The following RECQL variants were observed in gnomAD, a reference collection of about 807,000 sequenced individuals.
The protein encoded by RECQL is ATP-dependent DNA helicase Q1.
In RECQL, 73 loss-of-function variants were observed where a neutral mutation model predicts 75.8. The ratio of observed to expected loss-of-function variants is 0.96; its 90% confidence interval spans 0.80 to 1.17. RECQL has a LOEUF of 1.17. RECQL is among the 50% of genes most tolerant of loss of function. The pLI is 0.00. For synonymous variants in RECQL, 248 were observed against 254.4 expected (o/e 0.97, Z 0.24); for missense variants, 699 against 772.1 (o/e 0.91, Z 1.12).
rs780715359 is a variant in RECQL, at chr12:21,475,834, AAT to A, written c.950-12_950-11del. ...AAACAATATATGATTCCTGCAGTAA[AAT>A]ATGTGCATTTGTTAGATAGATATGG... is the stretch of plus-strand genomic sequence containing the variant. On this transcript the variant is annotated splice_polypyrimidine_tract_variant and intron_variant, in intron 8 of 14. Transcript: ENST00000444129. The A allele has an allele frequency of 6.2e-7, 1 of 1,605,728 alleles. No individual in the cohort carries two copies. Among genetic ancestry groups the A allele is most frequent in the East Asian group, 2.2e-5 (1 of 44,800 alleles).
chr12:21,468,995 T>A lies in RECQL; in HGVS notation c.*1199A>T, dbSNP rs1232128331. On this transcript the variant is annotated 3_prime_UTR_variant, in exon 15 of 15. Transcript: ENST00000444129. ...GCTTAGATAAAAATCTTAAGTTATTTATTTCTGTGTTTTAAACATAAATAT... is the reference window on the plus strand; with the variant it reads ...GCTTAGATAAAAATCTTAAGTTATTAATTTCTGTGTTTTAAACATAAATAT... 2.8e-6 allele frequency: 1 copy of A among 358,234 alleles called. No individual in the cohort carries two copies. The highest frequency in any genetic ancestry group is 6.1e-5 in the East Asian group (1 of 16,276). The allele number at this position is 358,234 out of a possible 1,614,324, so 22.2% of individuals were successfully genotyped here.
intron 2 of RECQL, among the ~76,000 whole-genome samples, chr12:21,496,668 G>A (rs1490179653): frequency 7.2e-5 from 11 of 152,202 alleles, no homozygotes; most frequent in Admixed American, 7.2e-4. Flanking sequence ...CTGACACCTT[G>A]GTGAGAGTCA....
chr12:21,473,256 T>A (rs1361149193), intron 12 of RECQL, among the ~76,000 whole-genome samples: 1 of 151,964 alleles, frequency 6.6e-6, no homozygotes, highest in African/African-American at 2.4e-5. Flanking sequence ...GTCACCCAGG[T>A]TATAATACCA....
rs1565571145 is a variant in RECQL at position 21,486,602 on chromosome 12, A to G, written c.395-17T>C. ...GTGTAAAACCTAAAAGAGAAAAAAA[A>G]AAAAATCTACCTTAAACTTTACACC... On this transcript the variant is annotated splice_polypyrimidine_tract_variant and intron_variant, in intron 4 of 14. Coordinates refer to ENST00000444129, the MANE Select transcript of RECQL (RefSeq NM_002907.4). The G allele has an allele frequency of 1.3e-6, 2 of 1,562,996 alleles. No individual in the cohort carries two copies. Among genetic ancestry groups the G allele is most frequent in the South Asian group, 1.2e-5 (1 of 82,228 alleles).
rs1420717752 is a variant in RECQL at position 21,471,498 on chromosome 12, C to A, written c.1597G>T (p.Val533Leu). 6.2e-7 allele frequency: 1 copy of A among 1,613,034 alleles called. No homozygotes were observed. Among genetic ancestry groups the A allele is most frequent in the Non-Finnish European group, 8.5e-7 (1 of 1,179,438 alleles). ...GAAKLRVAGV[V>L]APTLPREDLE... ...TCTTCACGAGGAAGTGTGGGAGCCACAACACCTGCTACTCTCAGTTTTGCT... is the reference window on the plus strand; with the variant it reads ...TCTTCACGAGGAAGTGTGGGAGCCAAAACACCTGCTACTCTCAGTTTTGCT... The change falls in exon 13 of 15, where the codon GTG becomes TTG. Residue 533 changes from valine (V) to leucine (L), a missense_variant. Val to Leu is a conservative substitution (Grantham distance 32). Transcript: ENST00000444129.
At position 21,486,475 on chromosome 12, in the gene RECQL, A is replaced by G; in HGVS notation, c.501+4T>C. On this transcript the variant is annotated splice_donor_region_variant and intron_variant, in intron 5 of 14. Transcript: ENST00000444129. ...TTAAAAAAAAAAAAGCCACTGAAAC[A>G]TACCTTAGAACTAGAAGCATTTAAC... 1 of 1,566,144 alleles carries G rather than the reference A, an allele frequency of 6.4e-7. No individual in the cohort carries two copies. Among genetic ancestry groups the G allele is most frequent in the Non-Finnish European group, 8.6e-7 (1 of 1,164,184 alleles).
intron 6 of RECQL, among the ~76,000 whole-genome samples, chr12:21,482,985 C>T (rs1179080633): frequency 6.6e-6 from 1 of 152,064 alleles, no homozygotes; most frequent in Non-Finnish European, 1.5e-5. Context: ...GAAACAGATG[C>T]AAATTCTTCA....
intron 11 of RECQL, 76 bp from the exon 12 acceptor site, chr12:21,473,718 G>C (rs1943029506): frequency 8.3e-7 from 1 of 1,204,040 alleles, no homozygotes; most frequent in African/African-American, 1.5e-5. Context: ...AGCTTACATA[G>C]TTATATACTG....
rs1301895249 is a variant in RECQL at position 21,469,766 on chromosome 12, G to C, written c.*428C>G. 6.5e-6 allele frequency: 1 copy of C among 154,466 alleles called. No homozygotes were observed. The highest frequency in any genetic ancestry group is 6.5e-5 in the Admixed American group (1 of 15,346). The allele number at this position is 154,466 out of a possible 1,614,324, so 9.6% of individuals were successfully genotyped here. A position where few individuals can be genotyped will look rare whatever the true frequency, so the allele number is the denominator to read the frequency against. On this transcript the variant is annotated 3_prime_UTR_variant, in exon 15 of 15. Transcript: ENST00000444129. Reference sequence around the variant, plus strand: ...CCAAGACAATTCTTCTTCCAATGTGGCTCAGGGAAGCCAAAAGATTGGACA... The same window carrying C: ...CCAAGACAATTCTTCTTCCAATGTGCCTCAGGGAAGCCAAAAGATTGGACA...
intron 3 of RECQL, among the ~76,000 whole-genome samples, chr12:21,491,243 T>C (rs988558491): frequency 6.6e-6 from 1 of 152,330 alleles, no homozygotes; most frequent in African/African-American, 2.4e-5. Flanking sequence ...CTTAACTGTT[T>C]GTTAATGTAG....
Position 21,471,538 on chromosome 12 carries a change from C to T in RECQL, c.1557G>A (p.Trp519Ter), listed in dbSNP as rs767959754. ...TCAGTTTTGCTGCACCCTTTCCCAT[C>T]CAAGAATCAATCAGTTTCAATGGAG... ...KLTPLKLIDS[W>*]MGKGAAKLRV... The change falls in exon 13 of 15, where the codon TGG becomes TGA. Residue 519 changes from tryptophan to a stop codon, truncating the protein, a stop_gained. Transcript: ENST00000444129. LOFTEE classifies it high-confidence loss of function. 7 of 1,612,332 alleles carry T rather than the reference C, an allele frequency of 4.3e-6. No homozygotes were observed. The highest frequency in any genetic ancestry group is 5.9e-6 in the Non-Finnish European group (7 of 1,179,146).
rs1385224458 is a variant in RECQL, at chr12:21,471,466, C to A, written c.1629G>T (p.Glu543Asp). The A allele has an allele frequency of 6.2e-7, 1 of 1,612,954 alleles. No homozygotes were observed. Among genetic ancestry groups the A allele is most frequent in the African/African-American group, 1.3e-5 (1 of 74,838 alleles). ...VAPTLPREDL[E>D]KIIAHFLIQQ... ...GTATTAGAAAGTGTGCAATAATCTT[C>A]TCCAGATCTTCACGAGGAAGTGTGG... The change falls in exon 13 of 15, where the codon GAG becomes GAT. Residue 543 changes from glutamate to aspartate, a missense_variant. By Grantham distance (45) the Glu-to-Asp change is conservative (BLOSUM62 2). Transcript: ENST00000444129.
At chr12:21,483,607 T>A in intron 5 of RECQL, 33 bp from the exon 6 acceptor site, 1 of 1,460,082 alleles carries the variant, frequency 6.8e-7, no homozygotes, top group Non-Finnish European at 9.3e-7. Context: ...ACAATGATAG[T>A]AAAACTAAGC....
chr12:21,477,757 G>T, intron 7 of RECQL, 46 bp downstream of exon 7: 1 of 1,492,258 alleles, frequency 6.7e-7, no homozygotes, highest in Non-Finnish European at 9.2e-7. Context: ...GATCCCCTCT[G>T]CGTAATTCTT....
rs557699469 is a variant in RECQL at position 21,476,849 on chromosome 12, T to C, written c.949+62A>G. 78 of 1,029,882 alleles carry C rather than the reference T, an allele frequency of 7.6e-5. No homozygotes were observed. The South Asian group carries it at 1.2e-3, about 16-fold the overall frequency. 63.8% of individuals were successfully genotyped at this position (1,029,882 alleles called of 1,614,324 possible). A position where few individuals can be genotyped will look rare whatever the true frequency, so the allele number is the denominator to read the frequency against. ...TCAGTTATCAGTATAATTATCAATA[T>C]GATATGAAGTCACTTTTTGAAAGTT... is the stretch of plus-strand genomic sequence containing the variant. On this transcript the variant is annotated intron_variant, in intron 8 of 14. Coordinates refer to ENST00000444129, the MANE Select transcript of RECQL (RefSeq NM_002907.4).
chr12:21,491,392 C>T (rs1378744065), intron 3 of RECQL, 127 bp downstream of exon 3: 1 of 835,212 alleles, frequency 1.2e-6, no homozygotes, highest in African/African-American at 1.7e-5. Flanking sequence ...GTTTCCCATT[C>T]CACTGGAGAA....
At chr12:21,491,479 A>G in intron 3 of RECQL, 40 bp downstream of exon 3, 2 of 1,535,686 alleles carry the variant, frequency 1.3e-6, no homozygotes, top group Non-Finnish European at 1.7e-6. Context: ...AAAATATGAG[A>G]AGAAATAAAA....
At chr12:21,473,984 A>AG (rs1943033820) in intron 11 of RECQL, among the ~76,000 whole-genome samples, 1 of 152,132 alleles carries the variant, frequency 6.6e-6, no homozygotes, top group South Asian at 2.1e-4. Flanking sequence ...GTTAGGAATT[A>AG]GGACGTGAAC....
At chr12:21,493,744 G>A (rs1333787382) in intron 2 of RECQL, among the ~76,000 whole-genome samples, 1 of 152,028 alleles carries the variant, frequency 6.6e-6, no homozygotes, top group Non-Finnish European at 1.5e-5. Context: ...CCTCCTAACT[G>A]AAGTCCCCAC....
Sources: allele counts gnomAD v4.1 joint callset (sites outside exome capture counted in the v4.1 genomes callset), GRCh38; gene constraint gnomAD v4.1.1; transcripts MANE v1.5; gene names NCBI Gene and HGNC (gene_info 2026-07-23, HGNC 2026-07-21).